LINGO2: variants seen among roughly 807,000 people sequenced by gnomAD.
LINGO2 encodes the protein leucine rich repeat and Ig domain containing 2.
LINGO2 carries 14 observed loss-of-function variants against 30.6 expected under a neutral mutation model. That is an observed-to-expected ratio of 0.46 (90% CI 0.30 to 0.72). The LOEUF is 0.72. LINGO2 is among the 30% of genes least tolerant of loss of function. LINGO2 has a pLI of 0.07. For missense variants in LINGO2, 729 were observed against 751.7 expected, an observed-to-expected ratio of 0.97 and a Z score of 0.35; for synonymous variants, 317 against 288.5, an observed-to-expected ratio of 1.10 and a Z score of -1.00.
chr9:29,092,908 T>C, the LINGO2 span, among the ~76,000 whole-genome samples: 1 of 135,402 alleles, frequency 7.4e-6, no homozygotes, highest in Non-Finnish European at 1.6e-5. Flanking sequence ...TTATTGGATA[T>C]ATATCATAAC....
intron 5 of LINGO2, among the ~76,000 whole-genome samples, chr9:28,002,505 C>A (rs900245711): frequency 1.3e-5 from 2 of 152,072 alleles, no homozygotes; most frequent in Non-Finnish European, 2.9e-5. Context: ...TCCAGATTCC[C>A]AATCTGTTTA....
intron 4 of LINGO2, among the ~76,000 whole-genome samples, chr9:28,240,410 G>T (rs1821740046): frequency 6.6e-6 from 1 of 151,988 alleles, no homozygotes; most frequent in Non-Finnish European, 1.5e-5. Flanking sequence ...AAACAGCATG[G>T]TACTGGCAAA....
the LINGO2 span, among the ~76,000 whole-genome samples, chr9:28,785,713 C>T: frequency 6.7e-6 from 1 of 150,342 alleles, no homozygotes; most frequent in African/African-American, 2.5e-5. Context: ...CACATGCACA[C>T]ACACTACATC....
intron 3 of LINGO2, among the ~76,000 whole-genome samples, chr9:28,367,744 A>G (rs1302723108): frequency 6.6e-6 from 1 of 151,648 alleles, no homozygotes; most frequent in Admixed American, 6.6e-5. Context: ...TTATTATAGC[A>G]TCACTGGGCC....
chr9:28,628,592 A>G (rs1405772034), intron 1 of LINGO2, among the ~76,000 whole-genome samples: 3 of 152,094 alleles, frequency 2.0e-5, no homozygotes, highest in Non-Finnish European at 4.4e-5. Flanking sequence ...ATAGGAATTC[A>G]AAACACCTGT....
chr9:29,096,346 C>T, the LINGO2 span, among the ~76,000 whole-genome samples: 6 of 139,232 alleles, frequency 4.3e-5, no homozygotes, highest in Non-Finnish European at 7.8e-5. Flanking sequence ...ACTGCAGTGG[C>T]GAAATTTTCA....
intron 1 of LINGO2, among the ~76,000 whole-genome samples, chr9:28,548,702 C>CAAAAAA (rs147347396): frequency 2.8e-4 from 18 of 63,344 alleles, no homozygotes; most frequent in African/African-American, 8.1e-4. Context: ...GACTCCATCT[C>CAAAAAA]AAAAAAAAAA....
chr9:29,146,173 T>C, the LINGO2 span, among the ~76,000 whole-genome samples: 1 of 152,078 alleles, frequency 6.6e-6, no homozygotes, highest in African/African-American at 2.4e-5. Context: ...CTGGCCAACA[T>C]GGTGAAACCC....
intron 5 of LINGO2, among the ~76,000 whole-genome samples, chr9:27,955,936 T>G (rs1020497346): frequency 0.013 from 65 of 4,940 alleles, no homozygotes; most frequent in African/African-American, 0.02. Flanking sequence ...GGATACTGAC[T>G]TTTTTTTTTT....
intron 5 of LINGO2, among the ~76,000 whole-genome samples, chr9:28,005,067 A>G (rs1224828704): frequency 6.6e-6 from 1 of 152,210 alleles, no homozygotes; most frequent in Non-Finnish European, 1.5e-5. Context: ...AGTACATCTG[A>G]AAGTGGCAGG....
chr9:29,164,940 T>C, the LINGO2 span, among the ~76,000 whole-genome samples: 1 of 152,122 alleles, frequency 6.6e-6, no homozygotes, highest in African/African-American at 2.4e-5. Flanking sequence ...GCAAACCTAA[T>C]TCAATACTAC....
chr9:29,062,625 C>G, the LINGO2 span, among the ~76,000 whole-genome samples: 105 of 152,062 alleles, frequency 6.9e-4, 3 homozygotes, highest in East Asian at 0.019. Context: ...CATGAGATGC[C>G]TAGAGTAGTC....
chr9:28,578,623 T>C (rs1824107184), intron 1 of LINGO2, among the ~76,000 whole-genome samples: 1 of 152,176 alleles, frequency 6.6e-6, no homozygotes, highest in African/African-American at 2.4e-5. Flanking sequence ...TTTCTAATTT[T>C]AACTTAAATT....
the LINGO2 span, among the ~76,000 whole-genome samples, chr9:28,990,744 C>A: frequency 9.5e-6 from 1 of 104,876 alleles, no homozygotes; most frequent in South Asian, 3.2e-4. Context: ...CCCAGGCTAA[C>A]AGGGTCTGGA....
At chr9:28,299,611 T>C (rs1284280572) in intron 3 of LINGO2, among the ~76,000 whole-genome samples, 4 of 152,174 alleles carry the variant, frequency 2.6e-5, no homozygotes, top group Non-Finnish European at 5.9e-5. Context: ...GTTTATACTA[T>C]AATAATGCCC....
At chr9:28,285,637 C>A (rs1259296630) in intron 4 of LINGO2, among the ~76,000 whole-genome samples, 1 of 151,952 alleles carries the variant, frequency 6.6e-6, no homozygotes, top group African/African-American at 2.4e-5. Context: ...GATCTCCTGA[C>A]CTCGTGATCT....
chr9:28,288,635 T>C (rs994753906), intron 4 of LINGO2, among the ~76,000 whole-genome samples: 3 of 152,158 alleles, frequency 2.0e-5, no homozygotes, highest in African/African-American at 7.2e-5. Flanking sequence ...CTACATGCTG[T>C]TTTACATGTG....
chr9:28,973,225 A>T, the LINGO2 span, among the ~76,000 whole-genome samples: 1 of 152,172 alleles, frequency 6.6e-6, no homozygotes, highest in Non-Finnish European at 1.5e-5. Flanking sequence ...AGACTACCTC[A>T]AGGCATTTAA....
intron 3 of LINGO2, among the ~76,000 whole-genome samples, chr9:28,372,454 A>G (rs1587561727): frequency 6.6e-6 from 1 of 152,304 alleles, no homozygotes; most frequent in Non-Finnish European, 1.5e-5. Context: ...AGACTCTAAA[A>G]CAGCTGAAGT....
Sources: allele counts gnomAD v4.1 joint callset (sites outside exome capture counted in the v4.1 genomes callset), GRCh38; gene constraint gnomAD v4.1.1; transcripts MANE v1.5; gene names NCBI Gene and HGNC (gene_info 2026-07-23, HGNC 2026-07-21).